The following TDRD3 variants were observed in gnomAD, a reference collection of about 807,000 sequenced individuals.
The protein encoded by TDRD3 is tudor domain-containing protein 3.
Under a neutral mutation model 86.7 loss-of-function variants are expected in TDRD3, and 45 were observed. The observed-to-expected ratio is 0.52, with a 90% CI of 0.41 to 0.67. The LOEUF is 0.67. Ranked by LOEUF, TDRD3 falls within the 30% of genes least tolerant of loss-of-function variation. The probability of loss-of-function intolerance (pLI) is 0.00; values close to 1 mark genes in which losing one functional copy is unlikely to be tolerated. For missense variants in TDRD3, 814 were observed against 889.0 expected (o/e 0.92, Z 1.07); for synonymous variants, 298 against 301.7 (o/e 0.99, Z 0.13).
Position 60,420,800 on chromosome 13 carries a change from C to T in TDRD3, c.42-18888C>T, listed in dbSNP as rs570884728. Among the ~76,000 whole-genome samples, 191 of 152,008 alleles carry T rather than the reference C, an allele frequency of 1.3e-3. 6 individuals are homozygous for T. The highest frequency in any genetic ancestry group is 8.3e-4 in the South Asian group (4 of 4,812). ...TACTAAAAATACAAAAAAAATTAGC[C>T]GGGCGTGATGGCGGGCGCCTGTAGT... On this transcript the variant is annotated intron_variant, in intron 1 of 13. Coordinates refer to ENST00000377881, the MANE Select transcript of TDRD3 (RefSeq NM_001146070.2).
At chr13:60,466,418 CAT>C (rs928572335) in intron 4 of TDRD3, among the ~76,000 whole-genome samples, 215 of 152,262 alleles carry the variant, frequency 1.4e-3, no homozygotes, top group African/African-American at 4.8e-3. Flanking sequence ...AGCTTAGTGA[CAT>C]GTGGTTATTG....
At chr13:60,548,343 C>G (rs1957977342) in intron 12 of TDRD3, among the ~76,000 whole-genome samples, 1 of 152,060 alleles carries the variant, frequency 6.6e-6, no homozygotes, top group Admixed American at 6.6e-5. Flanking sequence ...TGGATCACAC[C>G]TGGGTTCTGA....
intron 1 of TDRD3, among the ~76,000 whole-genome samples, chr13:60,422,911 T>C (rs953821436): frequency 2.0e-5 from 3 of 152,034 alleles, no homozygotes; most frequent in Non-Finnish European, 4.4e-5. Context: ...AAGAAAACTT[T>C]CCAGATGGAA....
chr13:60,426,684 G>A (rs1458652642), intron 1 of TDRD3, among the ~76,000 whole-genome samples: 2 of 152,054 alleles, frequency 1.3e-5, no homozygotes, highest in Non-Finnish European at 2.9e-5. Context: ...TGTTATAGAA[G>A]AAATAGAGAA....
chr13:60,406,413 T>A (rs1954234940), intron 1 of TDRD3, among the ~76,000 whole-genome samples: 1 of 152,240 alleles, frequency 6.6e-6, no homozygotes, highest in South Asian at 2.1e-4. Flanking sequence ...TTGATCATAC[T>A]TTAAAATATA....
At chr13:60,558,428 A>G (rs948897735) in intron 12 of TDRD3, among the ~76,000 whole-genome samples, 6 of 152,220 alleles carry the variant, frequency 3.9e-5, no homozygotes. Flanking sequence ...ATATTTGGGA[A>G]AGTAGTTGCT....
chr13:60,484,769 C>A, intron 6 of TDRD3: 1 of 435,190 alleles, frequency 2.3e-6, no homozygotes, highest in South Asian at 1.7e-5. Flanking sequence ...TTGGTATTCT[C>A]CCAGTGTAAT....
intron 12 of TDRD3, among the ~76,000 whole-genome samples, chr13:60,540,878 A>T (rs1042884154): frequency 1.8e-4 from 28 of 152,134 alleles, no homozygotes; most frequent in African/African-American, 6.8e-4. Flanking sequence ...TCTGATGGTG[A>T]AGTAAATCCC....
intron 12 of TDRD3, among the ~76,000 whole-genome samples, chr13:60,549,595 T>C (rs996576855): frequency 1.3e-5 from 2 of 151,978 alleles, no homozygotes; most frequent in African/African-American, 4.8e-5. Context: ...TGCACGTGTA[T>C]GTGCACGTGG....
intron 1 of TDRD3, among the ~76,000 whole-genome samples, chr13:60,420,213 G>A (rs1466741599): frequency 6.6e-6 from 1 of 152,070 alleles, no homozygotes; most frequent in Non-Finnish European, 1.5e-5. Flanking sequence ...AAATTGGATT[G>A]TTGGACTTCT....
At chr13:60,565,689 T>A (rs747478871) in intron 12 of TDRD3, among the ~76,000 whole-genome samples, 3 of 152,170 alleles carry the variant, frequency 2.0e-5, no homozygotes, top group Admixed American at 6.5e-5. Context: ...CCATTCTAAT[T>A]CCTGAAATAA....
rs374564866 is a variant in TDRD3, at chr13:60,528,892, A to G, written c.1667A>G (p.Asn556Ser). Residue 556 changes from asparagine (N) to serine (S), a missense_variant, in exon 11 of 14, where the codon AAT becomes AGT. Physicochemically the swap from Asn to Ser is conservative, Grantham distance 46. Transcript: ENST00000377881. ...GACAGGAAATCACAAACAATAAATA[A>G]TGAAGCTTTCAGTGGTATAAAAATT... ...FYDRKSQTIN[N>S]EAFSGIKIEK... 4 of 1,612,508 alleles carry G rather than the reference A, an allele frequency of 2.5e-6. No individual in the cohort carries two copies. Among genetic ancestry groups the G allele is most frequent in the South Asian group, 1.1e-5 (1 of 90,514 alleles).
intron 1 of TDRD3, among the ~76,000 whole-genome samples, chr13:60,414,855 A>T (rs1285517472): frequency 6.6e-6 from 1 of 152,028 alleles, no homozygotes; most frequent in Middle Eastern, 3.4e-3. Flanking sequence ...CAACTTTTGG[A>T]TTCTGTAGAA....
intron 5 of TDRD3, among the ~76,000 whole-genome samples, chr13:60,470,898 A>G (rs1956064561): frequency 6.6e-6 from 1 of 151,876 alleles, no homozygotes. Context: ...TATAGTTTTG[A>G]TTTGTATTTC....
chr13:60,569,940 A>G (rs999605791), intron 13 of TDRD3, among the ~76,000 whole-genome samples: 3 of 152,236 alleles, frequency 2.0e-5, no homozygotes, highest in African/African-American at 7.2e-5. Flanking sequence ...ACTTAAGTCT[A>G]AGACTTGAAA....
At chr13:60,457,107 T>C (rs1406402947) in intron 3 of TDRD3, among the ~76,000 whole-genome samples, 1 of 152,130 alleles carries the variant, frequency 6.6e-6, no homozygotes, top group African/African-American at 2.4e-5. Flanking sequence ...AACTACAGAG[T>C]ATAAGAAACT....
intron 10 of TDRD3, among the ~76,000 whole-genome samples, chr13:60,524,704 G>GGAT (rs1158290748): frequency 1.3e-5 from 2 of 151,896 alleles, no homozygotes; most frequent in Non-Finnish European, 2.9e-5. Context: ...AAGAATGATT[G>GGAT]GATGATGAAT....
intron 4 of TDRD3, among the ~76,000 whole-genome samples, chr13:60,462,933 G>C (rs1955832437): frequency 6.6e-6 from 1 of 152,048 alleles, no homozygotes. Flanking sequence ...TAGACCAATG[G>C]AACAGAATAG....
intron 1 of TDRD3, among the ~76,000 whole-genome samples, chr13:60,428,746 G>C (rs183864442): frequency 4.9e-4 from 75 of 152,298 alleles, no homozygotes; most frequent in African/African-American, 1.7e-3. Flanking sequence ...CAGTGGTTCT[G>C]TCCAGGTGTG....
Sources: allele counts gnomAD v4.1 joint callset (sites outside exome capture counted in the v4.1 genomes callset), GRCh38; gene constraint gnomAD v4.1.1; transcripts MANE v1.5; gene names NCBI Gene and HGNC (gene_info 2026-07-23, HGNC 2026-07-21).